The following TGIF1 variants were observed in gnomAD, a reference collection of about 807,000 sequenced individuals.
TGIF1 encodes TGFB induced factor homeobox 1, also known as homeobox protein TGIF1.
Under a neutral mutation model 19.3 loss-of-function variants are expected in TGIF1, and 4 were observed. That is an observed-to-expected ratio of 0.21 (90% confidence interval 0.10 to 0.47). The LOEUF (loss-of-function observed/expected upper bound fraction) is 0.47. TGIF1 is among the 20% of genes least tolerant of loss of function. The probability of loss-of-function intolerance (pLI) is 0.98; values close to 1 mark genes in which losing one functional copy is unlikely to be tolerated. For missense variants in TGIF1, 275 were observed against 341.4 expected (o/e 0.81, Z 1.53); for synonymous variants, 122 against 129.3 (o/e 0.94, Z 0.38).
intron 1 of TGIF1, 102 bp downstream of exon 1, chr18:3,450,607 G>A: frequency 6.5e-7 from 1 of 1,545,084 alleles, no homozygotes; most frequent in African/African-American, 1.4e-5. Flanking sequence ...TTTCCGCCCA[G>A]GGGCTCTCAT....
rs2049410775 is a variant in TGIF1 at position 3,457,773 on chromosome 18, G to A, written c.652G>A (p.Asp218Asn). The A allele has an allele frequency of 6.2e-7, 1 of 1,613,976 alleles. No homozygotes were observed. The highest frequency in any genetic ancestry group is 1.3e-5 in the African/African-American group (1 of 74,928). Reference sequence around the variant, plus strand: ...AGACACCTCTCTCATGTACCCAGAGGACACTTGTAAATCTGGACCAAGTAC... The same window carrying A: ...AGACACCTCTCTCATGTACCCAGAGAACACTTGTAAATCTGGACCAAGTAC... ...FTDTSLMYPE[D>N]TCKSGPSTNT... is the part of the protein sequence containing the mutation. Residue 218 changes from aspartate to asparagine, a missense_variant, in exon 3 of 3, where the codon GAC becomes AAC. Transcript: ENST00000343820. This position sits in a 1 kb window ranked among gnomAD's most constrained non-coding sequence, Gnocchi z 4.9.
At chr18:3,427,612 T>TA (rs1205466319) in intron 2 of TGIF1, among the ~76,000 whole-genome samples, 1 of 151,500 alleles carries the variant, frequency 6.6e-6, no homozygotes, top group Non-Finnish European at 1.5e-5. Flanking sequence ...CTTTTTTTTT[T>TA]TTTTTGAGAC....
chr18:3,417,561 GT>G (rs2082349429), intron 1 of TGIF1, among the ~76,000 whole-genome samples: 1 of 152,138 alleles, frequency 6.6e-6, no homozygotes, highest in South Asian at 2.1e-4. Flanking sequence ...AACTCAACAT[GT>G]AAAGTATAAT....
intron 1 of TGIF1, among the ~76,000 whole-genome samples, chr18:3,416,480 C>A (rs2082333294): frequency 1.3e-5 from 2 of 152,072 alleles, no homozygotes; most frequent in South Asian, 4.1e-4. Context: ...CACGCCACTG[C>A]ACTCCAGCCT....
At chr18:3,438,208 C>T (rs1212559257) in intron 2 of TGIF1, among the ~76,000 whole-genome samples, 1 of 152,022 alleles carries the variant, frequency 6.6e-6, no homozygotes, top group Non-Finnish European at 1.5e-5. Context: ...CGCAGTGAAC[C>T]TAAGTCAAGC....
At chr18:3,429,685 C>G (rs2143183426) in intron 2 of TGIF1, among the ~76,000 whole-genome samples, 1 of 152,268 alleles carries the variant, frequency 6.6e-6, no homozygotes, top group South Asian at 2.1e-4. Flanking sequence ...CATGATGTTA[C>G]AAAATCACGC....
At chr18:3,425,767 C>T (rs570610996) in intron 2 of TGIF1, among the ~76,000 whole-genome samples, 21 of 152,258 alleles carry the variant, frequency 1.4e-4, no homozygotes, top group African/African-American at 4.8e-4. Flanking sequence ...TGGGTGATGA[C>T]TGTCTCCTGC....
chr18:3,413,220 T>A (rs1404030326), intron 1 of TGIF1, among the ~76,000 whole-genome samples: 3 of 152,234 alleles, frequency 2.0e-5, no homozygotes, highest in Non-Finnish European at 4.4e-5. Context: ...TGAGGATTTT[T>A]AAAAAATTAA....
chr18:3,426,018 A>G (rs927567292), intron 2 of TGIF1, among the ~76,000 whole-genome samples: 3 of 151,920 alleles, frequency 2.0e-5, no homozygotes, highest in African/African-American at 4.8e-5. Context: ...TTGTGAGAGT[A>G]TAGTAGGAGA....
rs1051029851 is a variant in TGIF1, at chr18:3,456,889, G to A, written c.243+309G>A. 8.3e-6 allele frequency: 5 copies of A among 601,464 alleles called. No homozygotes were observed. Among genetic ancestry groups the A allele is most frequent in the Non-Finnish European group, 1.2e-5 (4 of 340,608 alleles). 37.3% of individuals were successfully genotyped at this position (601,464 alleles called of 1,614,324 possible). A position where few individuals can be genotyped will look rare whatever the true frequency, so the allele number is the denominator to read the frequency against. On this transcript the variant is annotated intron_variant, in intron 2 of 2. Coordinates refer to ENST00000343820, the MANE Select transcript of TGIF1 (RefSeq NM_003244.4). The surrounding 1 kb of genome is among the most constrained non-coding windows in gnomAD (Gnocchi z 4.2). ...ACTGGTTTGATATTTAAACAAGGAC[G>A]ACTTCAGTGAGGTAATTCATGTTAT...
chr18:3,451,460 C>T lies in TGIF1; in HGVS notation c.16+955C>T. On this transcript the variant is annotated intron_variant, in intron 1 of 2. Transcript: ENST00000343820. The surrounding 1 kb of genome is among the most constrained non-coding windows in gnomAD (Gnocchi z 5.4). ...GCTGGGAGGTCCCCCGAGTGTTCCG[C>T]TGTGGGCTGGAGGTGGCGTTTCTGT... 3.0e-6 allele frequency: 3 copies of T among 987,366 alleles called. No individual in the cohort carries two copies. Among genetic ancestry groups the T allele is most frequent in the Non-Finnish European group, 3.6e-6 (3 of 831,314 alleles). 61.2% of individuals were successfully genotyped at this position (987,366 alleles called of 1,614,324 possible).
At chr18:3,415,496 T>C (rs572274315) in intron 1 of TGIF1, 20 of 470,922 alleles carry the variant, frequency 4.2e-5, no homozygotes, top group Admixed American at 2.7e-4. Context: ...CATGAGTTCC[T>C]GGGTGCCCAG....
chr18:3,453,912 G>A, intron 1 of TGIF1: 4 of 892,994 alleles, frequency 4.5e-6, no homozygotes, highest in Non-Finnish European at 5.4e-6. Context: ...TTTCAAAAGC[G>A]CTGTTACAAT....
intron 1 of TGIF1, 24 bp downstream of exon 1, chr18:3,450,529 C>T: frequency 6.4e-7 from 1 of 1,558,388 alleles, no homozygotes; most frequent in Non-Finnish European, 8.7e-7. Flanking sequence ...GGGCTGCGCG[C>T]ACCAGAAGAC....
intron 2 of TGIF1, among the ~76,000 whole-genome samples, chr18:3,426,891 G>A (rs184407492): frequency 3.6e-4 from 55 of 151,254 alleles, no homozygotes; most frequent in African/African-American, 6.8e-4. Flanking sequence ...ACTATGCAGC[G>A]GTAAAAAAGT....
chr18:3,423,718 G>A (rs1450324136), intron 2 of TGIF1, among the ~76,000 whole-genome samples: 1 of 151,914 alleles, frequency 6.6e-6, no homozygotes, highest in Non-Finnish European at 1.5e-5. Context: ...AGCCGGGTGT[G>A]GTGGTGCACA....
intron 1 of TGIF1, chr18:3,413,036 C>T (rs2143092833): frequency 6.6e-6 from 1 of 152,254 alleles, no homozygotes; most frequent in East Asian, 1.9e-4. Context: ...AAAAACCTCA[C>T]AAGGCTCTTC....
chr18:3,422,061 G>A (rs1200164572), intron 2 of TGIF1, among the ~76,000 whole-genome samples: 1 of 151,922 alleles, frequency 6.6e-6, no homozygotes, highest in Non-Finnish European at 1.5e-5. Context: ...GGGCGTGGAG[G>A]TGGTCACCTG....
chr18:3,412,747 G>C (rs529915475), intron 1 of TGIF1: 20 of 152,372 alleles, frequency 1.3e-4, no homozygotes, highest in African/African-American at 4.8e-4. Flanking sequence ...CTTTGCCCTT[G>C]TCAAGTTTCC....
Sources: gnomAD v4.1 joint callset for allele counts (sites outside exome capture counted in the v4.1 genomes callset) on GRCh38, gnomAD v4.1.1 for gene constraint, Gnocchi (gnomAD v3.1) non-coding constraint, MANE v1.5 for transcripts, NCBI Gene and HGNC (gene_info 2026-07-23, HGNC 2026-07-21) for gene names.